The following NPC1 variants were observed in gnomAD, a reference collection of about 807,000 sequenced individuals.
NPC1 encodes the protein Niemann-Pick C1 protein.
Under a neutral mutation model 140.4 loss-of-function variants are expected in NPC1, and 85 were observed. The ratio of observed to expected loss-of-function variants is 0.61; its 90% CI spans 0.51 to 0.72. The LOEUF (loss-of-function observed/expected upper bound fraction) is 0.72, where lower values mean the gene tolerates loss of function less well. NPC1 is among the 30% of genes least tolerant of loss of function. NPC1 has a pLI of 0.00. For missense variants in NPC1, 1,504 were observed against 1,623.8 expected (o/e 0.93, Z 1.27); for synonymous variants, 656 against 624.8 (o/e 1.05, Z -0.74).
At chr18:23,512,790 T>C (rs897803645) in intron 3 of NPC1, among the ~76,000 whole-genome samples, 2 of 152,092 alleles carry the variant, frequency 1.3e-5, no homozygotes, top group Admixed American at 1.3e-4. Context: ...CTTAACTGTT[T>C]TTAAGTGTTC....
chr18:23,552,324 T>C (rs1395512781), intron 9 of NPC1, among the ~76,000 whole-genome samples: 1 of 152,044 alleles, frequency 6.6e-6, no homozygotes, highest in East Asian at 1.9e-4. Flanking sequence ...AAAGAAAAGA[T>C]GTCCTGTCCT....
chr18:23,567,257 T>C (rs1052897857), intron 4 of NPC1, among the ~76,000 whole-genome samples: 7 of 152,208 alleles, frequency 4.6e-5, no homozygotes, highest in Admixed American at 4.6e-4. Flanking sequence ...CTGTACCGTT[T>C]TGTACTCCCA....
downstream of NPC1, chr18:23,529,770 A>G: frequency 6.6e-7 from 1 of 1,504,636 alleles, no homozygotes; most frequent in South Asian, 1.1e-5. Flanking sequence ...AAAAAAACAC[A>G]GTCACTGTCT....
intron 11 of NPC1, among the ~76,000 whole-genome samples, chr18:23,546,308 A>G (rs1413533712): frequency 7.3e-5 from 11 of 151,172 alleles, no homozygotes. Flanking sequence ...AATCAAAACC[A>G]CAATGAGATA....
chr18:23,517,442 C>T (rs934520317), downstream of NPC1, among the ~76,000 whole-genome samples: 1 of 152,176 alleles, frequency 6.6e-6, no homozygotes, highest in Non-Finnish European at 1.5e-5. Context: ...GCCACCACGC[C>T]TGGCAGTACG....
At chr18:23,520,646 T>G (rs2058119166), downstream of NPC1, among the ~76,000 whole-genome samples, 1 of 150,920 alleles carries the variant, frequency 6.6e-6, no homozygotes, top group Non-Finnish European at 1.5e-5. Context: ...TTTTTTAAAT[T>G]TATTTTTTTG....
At chr18:23,508,005 T>C (rs1274138214) in intron 3 of NPC1, 2 of 1,611,158 alleles carry the variant, frequency 1.2e-6, no homozygotes, top group Non-Finnish European at 1.7e-6. Flanking sequence ...ATTTTATCCC[T>C]GATAATTCCC....
chr18:23,539,566 T>G (rs1598944830), intron 18 of NPC1, 96 bp from the exon 19 acceptor site: 1 of 908,494 alleles, frequency 1.1e-6, no homozygotes, highest in East Asian at 2.6e-5. Context: ...TTTCTACGTT[T>G]TATACTGCTA....
chr18:23,529,339 CA>C (rs1302859873), downstream of NPC1: 1 of 1,583,118 alleles, frequency 6.3e-7, no homozygotes, highest in Non-Finnish European at 8.5e-7. Context: ...TGAGAATGCT[CA>C]AAACAAGGAA....
chr18:23,555,059 G>A, intron 8 of NPC1, 75 bp from the exon 9 acceptor site: 2 of 936,124 alleles, frequency 2.1e-6, no homozygotes, highest in Non-Finnish European at 3.4e-6. Flanking sequence ...AATCAGCATT[G>A]CCCTGAGGGT....
Position 23,540,363 on chromosome 18 carries a change from T to C in NPC1, c.2604+85A>G, listed in dbSNP as rs560588781. The C allele has an allele frequency of 5.7e-5, 53 of 923,324 alleles. 1 individual carries two copies. In the South Asian group the frequency reaches 7.4e-4, roughly 13 times the overall value. The allele number at this position is 923,324 out of a possible 1,614,324, so 57.2% of individuals were successfully genotyped here. A position where few individuals can be genotyped will look rare whatever the true frequency, so the allele number is the denominator to read the frequency against. ...TTGCAGTTAGAAGCAGGCACTTGCTTGAAACACCTACGTGCATGTTTTGAA... is the reference window on the plus strand; with the variant it reads ...TTGCAGTTAGAAGCAGGCACTTGCTCGAAACACCTACGTGCATGTTTTGAA... On this transcript the variant is annotated intron_variant, in intron 17 of 24. Coordinates refer to ENST00000269228, the MANE Select transcript of NPC1 (RefSeq NM_000271.5).
intron 24 of NPC1, chr18:23,533,020 C>G (rs1435459372): frequency 1.2e-6 from 1 of 862,454 alleles, no homozygotes; most frequent in African/African-American, 1.8e-5. Context: ...TGAGAGCTGG[C>G]TGCCAGATGG....
chr18:23,522,195 CAG>C (rs1207523191), downstream of NPC1: 1 of 152,260 alleles, frequency 6.6e-6, no homozygotes, highest in Non-Finnish European at 1.5e-5. Context: ...TGGTTCTTAA[CAG>C]ACGTTCAATT....
intron 10 of NPC1, among the ~76,000 whole-genome samples, chr18:23,550,466 A>G (rs2058852234): frequency 9.1e-6 from 1 of 110,268 alleles, no homozygotes; most frequent in Non-Finnish European, 1.8e-5. Flanking sequence ...ATTTTCTTCC[A>G]GTTCTTACAT....
chr18:23,559,414 T>C (rs1278764363), intron 6 of NPC1, among the ~76,000 whole-genome samples: 1 of 151,662 alleles, frequency 6.6e-6, no homozygotes, highest in East Asian at 1.9e-4. Context: ...CTGTCCTAAA[T>C]TAAGATGCAA....
At chr18:23,527,027 T>C (rs2058317192), downstream of NPC1, among the ~76,000 whole-genome samples, 3 of 152,142 alleles carry the variant, frequency 2.0e-5, no homozygotes. Flanking sequence ...CCACCACCCC[T>C]GGCCTTCACA....
chr18:23,565,018 T>C (rs1012460957), intron 4 of NPC1, among the ~76,000 whole-genome samples: 1 of 152,382 alleles, frequency 6.6e-6, no homozygotes, highest in Admixed American at 6.5e-5. Flanking sequence ...TTATATTCCA[T>C]TGATCTATAT....
chr18:23,558,490 A>C (rs2058987166), intron 6 of NPC1, among the ~76,000 whole-genome samples: 1 of 152,232 alleles, frequency 6.6e-6, no homozygotes, highest in Non-Finnish European at 1.5e-5. Flanking sequence ...ATGCTACAAA[A>C]TACCTGACCA....
chr18:23,584,764 C>G lies in NPC1; in HGVS notation c.57+1523G>C, dbSNP rs184170608. On this transcript the variant is annotated intron_variant, in intron 1 of 24. Coordinates refer to ENST00000269228, the MANE Select transcript of NPC1 (RefSeq NM_000271.5). ...ATCCTAGCTACCTGGGAGGCTGAGG[C>G]ACCAGAATTGCTTGAATCCAGGAGG... 4.6e-5 allele frequency among the ~76,000 whole-genome samples: 7 copies of G among 152,308 alleles called. No homozygotes were observed. In the East Asian group the frequency reaches 1.3e-3, roughly 29 times the overall value.
Sources: allele counts gnomAD v4.1 joint callset (sites outside exome capture counted in the v4.1 genomes callset), GRCh38; gene constraint gnomAD v4.1.1; transcripts MANE v1.5; gene names NCBI Gene and HGNC (gene_info 2026-07-23, HGNC 2026-07-21).